DCBLD2: variants seen among roughly 807,000 people sequenced by gnomAD.
The protein encoded by DCBLD2 is discoidin, CUB and LCCL domain containing 2, also known as discoidin, CUB and LCCL domain-containing protein 2.
Under a neutral mutation model 86.8 loss-of-function variants are expected in DCBLD2, and 54 were observed. The observed-to-expected ratio is 0.62, with a 90% CI of 0.50 to 0.78. The LOEUF (loss-of-function observed/expected upper bound fraction) is 0.78. DCBLD2 is among the 30% of genes least tolerant of loss of function. The pLI is 0.00. For missense variants in DCBLD2, 908 were observed against 954.2 expected (o/e 0.95, Z 0.64); for synonymous variants, 354 against 341.3 (o/e 1.04, Z -0.41).
rs549050700 is a variant in DCBLD2 at position 98,832,001 on chromosome 3, T to C, written c.572-6635A>G. 3.7e-4 allele frequency among the ~76,000 whole-genome samples: 56 copies of C among 152,290 alleles called. 1 individual carries two copies. Among genetic ancestry groups the C allele is most frequent in the Middle Eastern group, 6.8e-3 (2 of 294 alleles). ...TTTAGGTCCTGAATATCTTTGTTAA[T>C]TTTCTGCTTAGATGATCTGTCTAAT... On this transcript the variant is annotated intron_variant, in intron 3 of 15. Transcript: ENST00000326840.
At chr3:98,858,635 C>A (rs561534040) in intron 2 of DCBLD2, among the ~76,000 whole-genome samples, 1 of 152,270 alleles carries the variant, frequency 6.6e-6, no homozygotes, top group African/African-American at 2.4e-5. Context: ...AAAATACCTG[C>A]AAACCATGTA....
chr3:98,801,324 A>C, intron 14 of DCBLD2: 1 of 395,830 alleles, frequency 2.5e-6, no homozygotes, highest in South Asian at 7.3e-5. Flanking sequence ...CGGTCTCCTC[A>C]TGAGAAACAG....
intron 1 of DCBLD2, among the ~76,000 whole-genome samples, chr3:98,883,846 TCTA>T: frequency 6.6e-6 from 1 of 152,268 alleles, no homozygotes; most frequent in Middle Eastern, 3.4e-3. Context: ...AATAGAACTT[TCTA>T]CTATGTTGAT....
At chr3:98,876,804 C>T (rs1416331484) in intron 2 of DCBLD2, among the ~76,000 whole-genome samples, 1 of 152,098 alleles carries the variant, frequency 6.6e-6, no homozygotes, top group African/African-American at 2.4e-5. Flanking sequence ...TATGATACAT[C>T]CACATGATGG....
intron 1 of DCBLD2, among the ~76,000 whole-genome samples, chr3:98,891,674 C>T (rs1943663870): frequency 6.6e-6 from 1 of 152,082 alleles, no homozygotes; most frequent in African/African-American, 2.4e-5. Flanking sequence ...GGTCTCATCT[C>T]TTCACTTTTC....
chr3:98,830,950 C>T (rs1041881486), intron 3 of DCBLD2, among the ~76,000 whole-genome samples: 25 of 152,254 alleles, frequency 1.6e-4, no homozygotes, highest in Middle Eastern at 3.4e-3. Flanking sequence ...AGAGATCATT[C>T]ACCTCCCCAG....
At chr3:98,811,615 G>T in intron 10 of DCBLD2, 61 bp from the exon 11 acceptor site, 1 of 1,412,680 alleles carries the variant, frequency 7.1e-7, no homozygotes. Context: ...ATTAAAAATA[G>T]TAATGCTAAA....
intron 2 of DCBLD2, among the ~76,000 whole-genome samples, chr3:98,862,101 G>T (rs189195573): frequency 3.3e-5 from 5 of 152,032 alleles, no homozygotes; most frequent in Non-Finnish European, 1.5e-5. Context: ...ACACCTCTAC[G>T]CAAATAAACA....
chr3:98,835,904 TTC>T (rs1484033596), intron 3 of DCBLD2, among the ~76,000 whole-genome samples: 2 of 109,690 alleles, frequency 1.8e-5, no homozygotes, highest in Non-Finnish European at 1.8e-5. Flanking sequence ...AGATGAATTT[TTC>T]TTTCTTTCTT....
intron 2 of DCBLD2, among the ~76,000 whole-genome samples, chr3:98,856,385 G>GA (rs1942932030): frequency 6.6e-6 from 1 of 151,894 alleles, no homozygotes; most frequent in African/African-American, 2.4e-5. Flanking sequence ...AGAAAAAAAA[G>GA]AAAAAACTAT....
intron 2 of DCBLD2, among the ~76,000 whole-genome samples, chr3:98,855,487 T>C (rs1284602841): frequency 6.6e-6 from 1 of 152,228 alleles, no homozygotes; most frequent in Non-Finnish European, 1.5e-5. Flanking sequence ...TACGTACATC[T>C]TCAACATAAA....
At chr3:98,867,064 A>G (rs1427580079) in intron 2 of DCBLD2, among the ~76,000 whole-genome samples, 2 of 152,062 alleles carry the variant, frequency 1.3e-5, no homozygotes, top group Non-Finnish European at 2.9e-5. Context: ...CCATTGGTCT[A>G]TATCTCTGTT....
chr3:98,890,733 C>T (rs1212497242), intron 1 of DCBLD2, among the ~76,000 whole-genome samples: 1 of 151,988 alleles, frequency 6.6e-6, no homozygotes, highest in Admixed American at 6.6e-5. Flanking sequence ...TTCCTTTAAC[C>T]CTCCAACTGC....
chr3:98,846,870 A>G (rs1942734661), intron 3 of DCBLD2, among the ~76,000 whole-genome samples: 1 of 134,104 alleles, frequency 7.5e-6, no homozygotes, highest in Admixed American at 7.5e-5. Flanking sequence ...ATCTAATATG[A>G]GAACCTTTTT....
chr3:98,810,138 C>CA (rs1282607525), intron 12 of DCBLD2, among the ~76,000 whole-genome samples: 1 of 152,190 alleles, frequency 6.6e-6, no homozygotes, highest in Non-Finnish European at 1.5e-5. Context: ...CCTTGAGGGT[C>CA]TGAGATGCAA....
At chr3:98,887,360 T>C (rs764176751) in intron 1 of DCBLD2, among the ~76,000 whole-genome samples, 4 of 152,026 alleles carry the variant, frequency 2.6e-5, no homozygotes, top group African/African-American at 9.7e-5. Context: ...TCTGATTTCA[T>C]TTGGTTACAA....
chr3:98,879,543 C>G (rs568818191), intron 2 of DCBLD2, among the ~76,000 whole-genome samples: 1 of 152,102 alleles, frequency 6.6e-6, no homozygotes. Context: ...CCCGCCACCA[C>G]GCCCGGCTCA....
At chr3:98,865,342 A>C (rs919210801) in intron 2 of DCBLD2, among the ~76,000 whole-genome samples, 2 of 152,204 alleles carry the variant, frequency 1.3e-5, no homozygotes, top group Non-Finnish European at 2.9e-5. Flanking sequence ...GGAGGATATG[A>C]TGTTAAGCGA....
rs371306813 is a variant in DCBLD2, at chr3:98,799,669, A to G, written c.2031T>C (p.Tyr677=). 3 of 1,613,898 alleles carry G rather than the reference A, an allele frequency of 1.9e-6. No homozygotes were observed. Among genetic ancestry groups the G allele is most frequent in the Non-Finnish European group, 2.5e-6 (3 of 1,179,896 alleles). Residue 677 remains tyrosine (Y), a synonymous_variant, in exon 16 of 16, where the codon TAT becomes TAC. Transcript: ENST00000326840. ...AEPLPITGPE[Y]ATPIIMDMSG... ...ACATGTCCATGATGATTGGGGTTGC[A>G]TACTCAGGCCCCGTAATTGGGAGTG...
Sources: allele counts gnomAD v4.1 joint callset (sites outside exome capture counted in the v4.1 genomes callset), GRCh38; gene constraint gnomAD v4.1.1; transcripts MANE v1.5; gene names NCBI Gene and HGNC (gene_info 2026-07-23, HGNC 2026-07-21).